Variants in PRDM5 observed in about 807,000 individuals in gnomAD.
The protein encoded by PRDM5 is PR/SET domain 5.
Under a neutral mutation model 81.2 loss-of-function variants are expected in PRDM5, and 56 were observed. That is an observed-to-expected ratio of 0.69 (90% CI 0.56 to 0.86). The LOEUF is 0.86. PRDM5 is among the 40% of genes least tolerant of loss of function. The pLI is 0.00. For missense variants in PRDM5, 697 were observed against 770.1 expected (o/e 0.91, Z 1.12); for synonymous variants, 267 against 256.4 (o/e 1.04, Z -0.39).
intron 3 of PRDM5, among the ~76,000 whole-genome samples, chr4:120,834,104 G>A (rs573493512): frequency 6.6e-6 from 1 of 152,078 alleles, no homozygotes; most frequent in East Asian, 1.9e-4. Flanking sequence ...ACACGTGGAG[G>A]GACTGAAAAA....
chr4:120,921,678 A>G (rs1724938781), intron 1 of PRDM5, among the ~76,000 whole-genome samples: 1 of 152,164 alleles, frequency 6.6e-6, no homozygotes, highest in African/African-American at 2.4e-5. Flanking sequence ...GACGACTCTA[A>G]CAAGTTATAA....
intron 13 of PRDM5, among the ~76,000 whole-genome samples, chr4:120,765,007 T>A (rs1002921558): frequency 2.0e-5 from 3 of 152,164 alleles, no homozygotes; most frequent in African/African-American, 4.8e-5. Context: ...TCTAATTTTT[T>A]AATAATTTTA....
chr4:120,764,889 A>G (rs1426813817), intron 13 of PRDM5, among the ~76,000 whole-genome samples: 1 of 152,226 alleles, frequency 6.6e-6, no homozygotes, highest in Non-Finnish European at 1.5e-5. Flanking sequence ...ATATAGCAAA[A>G]TAAGTTCTCT....
At chr4:120,783,583 T>G (rs1289729858) in intron 11 of PRDM5, among the ~76,000 whole-genome samples, 2 of 152,170 alleles carry the variant, frequency 1.3e-5, no homozygotes, top group African/African-American at 4.8e-5. Context: ...GAGGTTTACT[T>G]GTCCAAATCT....
chr4:120,798,414 G>A lies in PRDM5; in HGVS notation c.1041C>T (p.Pro347=). The A allele has an allele frequency of 6.2e-7, 1 of 1,605,048 alleles. No individual in the cohort carries two copies. Among genetic ancestry groups the A allele is most frequent in the East Asian group, 2.2e-5 (1 of 44,586 alleles). ...RHMITHSEKR[P]YNCEICNKSF... ...ACTTATTACAAATCTCGCAATTATA[G>A]GGTCGTTTTTCTATTAAAAAAATGA... The change falls in exon 10 of 16, where the codon CCC becomes CCT. Residue 347 remains proline, a synonymous_variant. Transcript: ENST00000264808.
At chr4:120,772,741 T>C (rs948837780) in intron 13 of PRDM5, among the ~76,000 whole-genome samples, 6 of 152,330 alleles carry the variant, frequency 3.9e-5, no homozygotes, top group Non-Finnish European at 7.4e-5. Context: ...AGAGTATTTG[T>C]TCCCTAAATA....
In PRDM5 at chr4:120,864,964, C is replaced by A. The variant is rs562235955; in HGVS notation, c.178-11424G>T. ...CTGGCATAGGAATATCTCCCTGCTA[C>A]AGACACAGCTGTGTCTCGCATCAAT... On this transcript the variant is annotated intron_variant, in intron 2 of 15. Transcript: ENST00000264808. Among the ~76,000 whole-genome samples the A allele has an allele frequency of 7.9e-5, 12 of 152,338 alleles. No homozygotes were observed. In the South Asian group the frequency reaches 2.5e-3, roughly 32 times the overall value.
In PRDM5 at chr4:120,695,208, C is replaced by T. The variant is rs746598644; in HGVS notation, c.1796G>A (p.Arg599His). The change falls in exon 16 of 16, where the codon CGT (arginine) becomes CAT (histidine). Residue 599 changes from arginine (R) to histidine (H), a missense_variant. Coordinates refer to ENST00000264808, the MANE Select transcript of PRDM5 (RefSeq NM_018699.4). ...GCAAAACTGGCATTCTGCCAGGGGA[C>T]GATTGGGATTATGAGTCATCTTGTG... is the stretch of plus-strand genomic sequence containing the variant. ...IRHKMTHNPNRPLAECQFCHK... is the reference protein window; with the variant it reads ...IRHKMTHNPNHPLAECQFCHK... 3 of 1,613,534 alleles carry T rather than the reference C, an allele frequency of 1.9e-6. No individual in the cohort carries two copies. Among genetic ancestry groups the T allele is most frequent in the South Asian group, 1.1e-5 (1 of 91,070 alleles).
chr4:120,804,675 A>C (rs1394590356), intron 8 of PRDM5, among the ~76,000 whole-genome samples: 1 of 152,238 alleles, frequency 6.6e-6, no homozygotes, highest in Non-Finnish European at 1.5e-5. Context: ...ACAACATACC[A>C]GAATCTCTGG....
chr4:120,912,312 C>G (rs894248908), intron 1 of PRDM5, among the ~76,000 whole-genome samples: 1 of 152,116 alleles, frequency 6.6e-6, no homozygotes, highest in Non-Finnish European at 1.5e-5. Flanking sequence ...TTATGCAGCA[C>G]AAATAAACCA....
chr4:120,850,927 C>T (rs1030895175), intron 3 of PRDM5, among the ~76,000 whole-genome samples: 2 of 152,108 alleles, frequency 1.3e-5, no homozygotes, highest in African/African-American at 4.8e-5. Flanking sequence ...TGATAACATA[C>T]AGGGCATAGT....
intron 13 of PRDM5, among the ~76,000 whole-genome samples, chr4:120,774,902 A>ATATATATATG (rs1553963976): frequency 0.023 from 3,410 of 146,040 alleles, 62 homozygotes; most frequent in African/African-American, 0.03. Context: ...ATATATATAT[A>ATATATATATG]TATATGTATA....
intron 3 of PRDM5, among the ~76,000 whole-genome samples, chr4:120,830,235 T>C (rs1578904787): frequency 6.6e-6 from 1 of 152,016 alleles, no homozygotes; most frequent in Admixed American, 6.6e-5. Flanking sequence ...AAAGTTACCT[T>C]TGGGGAGTGG....
At chr4:120,901,194 T>C (rs901916384) in intron 2 of PRDM5, among the ~76,000 whole-genome samples, 1 of 152,240 alleles carries the variant, frequency 6.6e-6, no homozygotes, top group Admixed American at 6.5e-5. Flanking sequence ...CCAAGAAGTA[T>C]AGACTGTACC....
At chr4:120,750,644 A>G (rs1307987343) in intron 14 of PRDM5, among the ~76,000 whole-genome samples, 1 of 151,906 alleles carries the variant, frequency 6.6e-6, no homozygotes, top group Non-Finnish European at 1.5e-5. Flanking sequence ...AGGCATAAGC[A>G]GTATTTACTT....
chr4:120,824,895 A>G (rs2149355694), intron 3 of PRDM5, among the ~76,000 whole-genome samples: 1 of 152,306 alleles, frequency 6.6e-6, no homozygotes, highest in Admixed American at 6.5e-5. Context: ...TTTCTAATGG[A>G]GGAAATCGTG....
At chr4:120,916,219 T>C (rs547898390) in intron 1 of PRDM5, among the ~76,000 whole-genome samples, 4 of 152,136 alleles carry the variant, frequency 2.6e-5, no homozygotes, top group Admixed American at 6.6e-5. Context: ...TAAAACCCTG[T>C]CTATTAAAAA....
chr4:120,847,512 A>G (rs1056725914), intron 3 of PRDM5, among the ~76,000 whole-genome samples: 10 of 152,138 alleles, frequency 6.6e-5, no homozygotes, highest in African/African-American at 2.2e-4. Flanking sequence ...ACTTCAATCA[A>G]GTTTTCCCTG....
chr4:120,865,117 T>C (rs1761056129), intron 2 of PRDM5, among the ~76,000 whole-genome samples: 2 of 152,168 alleles, frequency 1.3e-5, no homozygotes, highest in Non-Finnish European at 2.9e-5. Flanking sequence ...TCTTACACCA[T>C]CAAGTGCCTG....
Sources: gnomAD v4.1 joint callset for allele counts (sites outside exome capture counted in the v4.1 genomes callset) on GRCh38, gnomAD v4.1.1 for gene constraint, MANE v1.5 for transcripts, NCBI Gene and HGNC (gene_info 2026-07-23, HGNC 2026-07-21) for gene names.